ZNF385D: variants seen among roughly 807,000 people sequenced by gnomAD.
ZNF385D encodes the protein zinc finger protein 385D, also known as zinc finger protein 659.
A neutral mutation model predicts 35.8 loss-of-function variants in ZNF385D; 15 were observed. The observed-to-expected ratio is 0.42, with a 90% CI of 0.28 to 0.64. The LOEUF (loss-of-function observed/expected upper bound fraction) is 0.64, where lower values mean the gene tolerates loss of function less well. Among genes scored for constraint, ZNF385D ranks in the 30% least tolerant of loss-of-function variants. The pLI is 0.23. For synonymous variants in ZNF385D, 212 were observed against 186.8 expected, an observed-to-expected ratio of 1.13 and a Z score of -1.10; for missense variants, 474 against 494.6, an observed-to-expected ratio of 0.96 and a Z score of 0.39.
intron 3 of ZNF385D, among the ~76,000 whole-genome samples, chr3:21,858,929 T>C (rs1015224196): frequency 1.3e-5 from 2 of 152,080 alleles, no homozygotes; most frequent in African/African-American, 4.8e-5. Context: ...AAATGCCACA[T>C]GGTTCCTGTT....
At chr3:21,973,135 A>T (rs1416032796) in intron 3 of ZNF385D, among the ~76,000 whole-genome samples, 1 of 151,964 alleles carries the variant, frequency 6.6e-6, no homozygotes, top group East Asian at 1.9e-4. Context: ...ACAGGTCAAT[A>T]TCCCCGATGA....
chr3:22,248,583 G>C (rs562295891), intron 2 of ZNF385D, among the ~76,000 whole-genome samples: 2 of 151,884 alleles, frequency 1.3e-5, no homozygotes, highest in African/African-American at 2.4e-5. Context: ...AAGGCTTTTG[G>C]ATTTTGATTC....
chr3:22,074,859 C>A (rs1159626598), intron 3 of ZNF385D, among the ~76,000 whole-genome samples: 2 of 151,848 alleles, frequency 1.3e-5, no homozygotes, highest in African/African-American at 4.8e-5. Context: ...CCTTTCACAT[C>A]TTCATGTGGA....
intron 3 of ZNF385D, among the ~76,000 whole-genome samples, chr3:22,057,290 T>C (rs914353133): frequency 6.6e-6 from 1 of 152,216 alleles, no homozygotes; most frequent in Non-Finnish European, 1.5e-5. Flanking sequence ...CCTCATAGGT[T>C]ATAAGCATTA....
At chr3:22,243,495 A>G (rs1699604046) in intron 2 of ZNF385D, among the ~76,000 whole-genome samples, 1 of 151,098 alleles carries the variant, frequency 6.6e-6, no homozygotes, top group South Asian at 2.2e-4. Context: ...AGAAGCTACT[A>G]AAGATTTCTG....
intron 2 of ZNF385D, among the ~76,000 whole-genome samples, chr3:22,324,731 A>G (rs1381316511): frequency 2.0e-5 from 3 of 152,222 alleles, no homozygotes; most frequent in Non-Finnish European, 1.5e-5. Flanking sequence ...GCATTTTGAA[A>G]AAAGAAATCC....
chr3:22,183,591 C>G (rs1221992779), intron 2 of ZNF385D, among the ~76,000 whole-genome samples: 1 of 152,010 alleles, frequency 6.6e-6, no homozygotes, highest in African/African-American at 2.4e-5. Context: ...CTCCTGACCT[C>G]GTGATTCACC....
chr3:21,758,975 CAAAAAAAAAAAAAAAA>C (rs58450064), intron 3 of ZNF385D, among the ~76,000 whole-genome samples: 2 of 29,228 alleles, frequency 6.8e-5, no homozygotes, highest in Non-Finnish European at 1.2e-4. Flanking sequence ...TCATCACTGG[CAAAAAAAAAAAAAAAA>C]AAAAAAAAAA....
chr3:22,136,861 C>G (rs1054405301), intron 3 of ZNF385D, among the ~76,000 whole-genome samples: 2 of 152,056 alleles, frequency 1.3e-5, no homozygotes, highest in Non-Finnish European at 2.9e-5. Context: ...AGAATTCCAA[C>G]TATGTGACAT....
At chr3:22,313,515 A>C (rs1011043656) in intron 2 of ZNF385D, among the ~76,000 whole-genome samples, 2 of 152,198 alleles carry the variant, frequency 1.3e-5, no homozygotes, top group Admixed American at 6.5e-5. Context: ...TTCAATGAAG[A>C]ATATGGTGTA....
chr3:21,914,604 G>A (rs576120333), intron 3 of ZNF385D, among the ~76,000 whole-genome samples: 4 of 151,916 alleles, frequency 2.6e-5, no homozygotes, highest in Non-Finnish European at 4.4e-5. Context: ...TCTAGAAACA[G>A]GAGATTATGA....
At chr3:22,188,638 G>A (rs1474083467) in intron 2 of ZNF385D, among the ~76,000 whole-genome samples, 1 of 152,024 alleles carries the variant, frequency 6.6e-6, no homozygotes, top group Admixed American at 6.6e-5. Flanking sequence ...TTTTAGAAGA[G>A]ATGGGGTTTC....
chr3:21,899,066 T>G (rs954453322), intron 3 of ZNF385D, among the ~76,000 whole-genome samples: 6 of 152,208 alleles, frequency 3.9e-5, no homozygotes, highest in Admixed American at 6.6e-5. Flanking sequence ...GAGAACGGGA[T>G]GTTTATTATT....
chr3:22,207,792 G>C (rs948109485), intron 2 of ZNF385D, among the ~76,000 whole-genome samples: 1 of 152,014 alleles, frequency 6.6e-6, no homozygotes, highest in Middle Eastern at 3.4e-3. Context: ...ATGTGAAATA[G>C]ACATTTCTTG....
At chr3:22,164,468 C>A (rs1006423516) in intron 3 of ZNF385D, among the ~76,000 whole-genome samples, 3 of 151,800 alleles carry the variant, frequency 2.0e-5, no homozygotes, top group African/African-American at 7.3e-5. Flanking sequence ...ACCTCGTGAT[C>A]TGGCCCCTGT....
At chr3:22,211,664 A>T (rs1391772620) in intron 2 of ZNF385D, among the ~76,000 whole-genome samples, 1 of 151,960 alleles carries the variant, frequency 6.6e-6, no homozygotes, top group Non-Finnish European at 1.5e-5. Flanking sequence ...AGAAACAGAG[A>T]GAAAGACCAA....
At chr3:21,461,849 T>C (rs879855188) in intron 4 of ZNF385D, among the ~76,000 whole-genome samples, 16 of 152,220 alleles carry the variant, frequency 1.1e-4, no homozygotes, top group Admixed American at 1.0e-3. Context: ...AGCAAAGCAG[T>C]TTGCTGCTGA....
intron 4 of ZNF385D, among the ~76,000 whole-genome samples, chr3:21,471,289 T>A (rs2125343656): frequency 4.5e-5 from 1 of 22,188 alleles, no homozygotes; most frequent in South Asian, 1.8e-3. Context: ...TCTCTCTCTC[T>A]CTCTCTCACA....
chr3:22,094,537 G>A (rs938154449), intron 3 of ZNF385D, among the ~76,000 whole-genome samples: 2 of 151,650 alleles, frequency 1.3e-5, no homozygotes, highest in Non-Finnish European at 2.9e-5. Flanking sequence ...TAAGACATAG[G>A]CCAGACACAC....
Sources: allele counts gnomAD v4.1 joint callset (sites outside exome capture counted in the v4.1 genomes callset), GRCh38; gene constraint gnomAD v4.1.1; transcripts MANE v1.5; gene names NCBI Gene and HGNC (gene_info 2026-07-23, HGNC 2026-07-21).